Variants in SLC4A11 observed in about 807,000 individuals in gnomAD.
SLC4A11 encodes the protein solute carrier family 4 member 11, also known as bicarbonate transporter related protein 1.
In SLC4A11, 74 loss-of-function variants were observed where a neutral mutation model predicts 95.0. The ratio of observed to expected loss-of-function variants is 0.78; its 90% CI spans 0.65 to 0.95. The LOEUF (loss-of-function observed/expected upper bound fraction) is 0.95, where lower values mean the gene tolerates loss of function less well. SLC4A11 is among the 40% of genes least tolerant of loss of function. SLC4A11 has a pLI of 0.00. For missense variants in SLC4A11, 1,081 were observed against 1,192.4 expected (o/e 0.91, Z 1.38); for synonymous variants, 548 against 519.0 (o/e 1.06, Z -0.76).
Position 3,230,632 on chromosome 20 carries a change from C to A in SLC4A11, c.1298G>T (p.Cys433Phe). 6.2e-7 allele frequency: 1 copy of A among 1,613,668 alleles called. No homozygotes were observed. The highest frequency in any genetic ancestry group is 8.5e-7 in the Non-Finnish European group (1 of 1,179,998). ...ALYIQVIRVICDDYDLDFNSF... is the reference protein window; with the variant it reads ...ALYIQVIRVIFDDYDLDFNSF... Reference sequence around the variant, plus strand: ...GTTGAAGTCCAGGTCATAGTCATCACAGATGACACGAATCACTGCAGGCAG... The same window carrying A: ...GTTGAAGTCCAGGTCATAGTCATCAAAGATGACACGAATCACTGCAGGCAG... Residue 433 changes from cysteine (C) to phenylalanine (F), a missense_variant, in exon 12 of 20, where the codon TGT becomes TTT. This residue lies in a region of SLC4A11 where 767 missense variants were observed against 858.0 expected (regional missense o/e 0.89). Coordinates refer to ENST00000642402, the MANE Select transcript of SLC4A11 (RefSeq NM_001174089.2).
At chr20:3,238,986 C>G in intron 1 of SLC4A11, 109 bp downstream of exon 1, 2 of 1,351,138 alleles carry the variant, frequency 1.5e-6, no homozygotes, top group South Asian at 1.7e-5. Context: ...CCACCGGCCC[C>G]GGCCCGCGCA....
At position 3,238,614 on chromosome 20, in the gene SLC4A11, GC is replaced by G. The variant is rs2068064757; in HGVS notation, c.43+480del. On this transcript the variant is annotated intron_variant, in intron 1 of 19. Coordinates refer to ENST00000642402, the MANE Select transcript of SLC4A11 (RefSeq NM_001174089.2). ...GAGCAAGGGAGAAACCGCTGCGGCC[GC>G]GCAGGGCACGGTCAGGGGTCCCGGG... 8 of 991,622 alleles carry G rather than the reference GC, an allele frequency of 8.1e-6. No homozygotes were observed. In the South Asian group the frequency reaches 3.3e-4, roughly 41 times the overall value. 61.4% of individuals were successfully genotyped at this position (991,622 alleles called of 1,614,324 possible). A position where few individuals can be genotyped will look rare whatever the true frequency, so the allele number is the denominator to read the frequency against.
At position 3,234,925 on chromosome 20, in the gene SLC4A11, C is replaced by T. The variant is rs2067920921; in HGVS notation, c.89-31G>A. 2 of 1,613,498 alleles carry T rather than the reference C, an allele frequency of 1.2e-6. No individual in the cohort carries two copies. Among genetic ancestry groups the T allele is most frequent in the East Asian group, 2.2e-5 (1 of 44,868 alleles). On this transcript the variant is annotated intron_variant, in intron 2 of 19. Coordinates refer to ENST00000642402, the MANE Select transcript of SLC4A11 (RefSeq NM_001174089.2). This position sits in a 1 kb window ranked among gnomAD's most constrained non-coding sequence, Gnocchi z 5.8. Reference sequence around the variant, plus strand: ...GACCCCCAAGAGCAAGAGGGCCTGGCTGTTAAAGTGCCACACACAGGAAGG... The same window carrying T: ...GACCCCCAAGAGCAAGAGGGCCTGGTTGTTAAAGTGCCACACACAGGAAGG...
chr20:3,230,424 G>A (rs766966180), intron 12 of SLC4A11, 91 bp downstream of exon 12: 29 of 1,601,940 alleles, frequency 1.8e-5, no homozygotes, highest in Non-Finnish European at 2.4e-5. Context: ...CAGCAATATG[G>A]TGGGGGCACC....
intron 1 of SLC4A11, chr20:3,238,846 T>C (rs1057241444): frequency 5.0e-6 from 6 of 1,209,280 alleles, no homozygotes; most frequent in Non-Finnish European, 6.2e-6. Flanking sequence ...TGTTCAAACC[T>C]GGTAAGAAAT....
rs558139712 is a variant in SLC4A11 at position 3,237,638 on chromosome 20, C to G, written c.44-50G>C. On this transcript the variant is annotated intron_variant, in intron 1 of 19. Coordinates refer to ENST00000642402, the MANE Select transcript of SLC4A11 (RefSeq NM_001174089.2). ...CAGCCCCATGGACCAAGCCCTGGAC[C>G]TCCTGTGTGCACCTGTCTCCCCGCC... 2.5e-6 allele frequency: 4 copies of G among 1,613,966 alleles called. No homozygotes were observed. The African/African-American group carries it at 5.3e-5, about 22-fold the overall frequency.
chr20:3,231,161 CCAAGGGGT>C lies in SLC4A11; in HGVS notation c.1022_1029del (p.Tyr341Ter). The C allele has an allele frequency of 6.2e-7, 1 of 1,614,154 alleles. No individual in the cohort carries two copies. The highest frequency in any genetic ancestry group is 8.5e-7 in the Non-Finnish European group (1 of 1,180,032). On this transcript the variant is annotated frameshift_variant, in exon 9 of 20. Transcript: ENST00000642402. LOFTEE classifies it high-confidence loss of function. The surrounding 1 kb of genome is among the most constrained non-coding windows in gnomAD (Gnocchi z 5.2). Reference sequence around the variant, plus strand: ...AGAGGCCACGTACCATCAGTGAAGTCCAAGGGGTACAAGGGGAACCTGCGTGCGATGTC... The same window carrying C: ...AGAGGCCACGTACCATCAGTGAAGTCACAAGGGGAACCTGCGTGCGATGTC...
Position 3,227,747 on chromosome 20 carries a change from G to A in SLC4A11, c.*40C>T, listed in dbSNP as rs200122494. The A allele has an allele frequency of 2.8e-5, 45 of 1,603,000 alleles. No homozygotes were observed. The East Asian group carries it at 4.7e-4, about 17-fold the overall frequency. ...AGCTCCAGAGCCAGCCTGGGAGGAC[G>A]TGGAGGGCTGGCGAATGGGGCGTGG... is the stretch of plus-strand genomic sequence containing the variant. On this transcript the variant is annotated 3_prime_UTR_variant, in exon 20 of 20. Transcript: ENST00000642402.
At chr20:3,236,845 C>T (rs112650078) in intron 2 of SLC4A11, among the ~76,000 whole-genome samples, 3 of 152,036 alleles carry the variant, frequency 2.0e-5, no homozygotes, top group Admixed American at 1.3e-4. Context: ...TGCTCAGGTC[C>T]CCTAGATTAA....
At chr20:3,237,769 G>C in intron 1 of SLC4A11, 181 bp from the exon 2 acceptor site, 1 of 1,611,916 alleles carries the variant, frequency 6.2e-7, no homozygotes, top group African/African-American at 1.3e-5. Context: ...CCATAGCAGG[G>C]GAAGCCAGCC....
chr20:3,237,717 T>C, intron 1 of SLC4A11, 129 bp from the exon 2 acceptor site: 1 of 1,613,740 alleles, frequency 6.2e-7, no homozygotes, highest in Non-Finnish European at 8.5e-7. Context: ...CACGCCACCC[T>C]AGGGAGAAAG....
chr20:3,228,438 G>C lies in SLC4A11; in HGVS notation c.2389-10C>G. The C allele has an allele frequency of 6.2e-7, 1 of 1,613,106 alleles. No homozygotes were observed. The highest frequency in any genetic ancestry group is 1.7e-5 in the Admixed American group (1 of 60,028). On this transcript the variant is annotated splice_polypyrimidine_tract_variant and intron_variant, in intron 18 of 19. Transcript: ENST00000642402. ...TCGGGGGGTACGCAGTCTGTGGGCG[G>C]CAGGGACCGGGTGTGGGCAGGCATG... is the stretch of plus-strand genomic sequence containing the variant.
At position 3,229,608 on chromosome 20, in the gene SLC4A11, G is replaced by C; in HGVS notation, c.1658C>G (p.Ser553Ter). 6.2e-7 allele frequency: 1 copy of C among 1,612,922 alleles called. No homozygotes were observed. Among genetic ancestry groups the C allele is most frequent in the Non-Finnish European group, 8.5e-7 (1 of 1,179,942 alleles). ...SPTELPSATH[S>*]GQATAVLSLL... The stretch of plus-strand genomic sequence containing the variant: ...GCTGAGCACGGCGGTCGCCTGGCCT[G>C]AGTGTGTGGCCGAGGGCAGCTCCGT... Residue 553 changes from serine to a stop codon, truncating the protein, a stop_gained, in exon 14 of 20, where the codon TCA (serine) becomes TGA (stop). Transcript: ENST00000642402. LOFTEE classifies it high-confidence loss of function.
chr20:3,238,720 C>T (rs1172693865), intron 1 of SLC4A11: 20 of 1,039,570 alleles, frequency 1.9e-5, no homozygotes, highest in South Asian at 4.6e-5. Context: ...TAAAATGAGA[C>T]CTTCCGAGGC....
At position 3,228,989 on chromosome 20, in the gene SLC4A11, GGTAGGCAGTGCCCTTCA is replaced by G; in HGVS notation, c.2024_2040del (p.Val675AlafsTer50). The G allele has an allele frequency of 6.2e-7, 1 of 1,613,598 alleles. No individual in the cohort carries two copies. Among genetic ancestry groups the G allele is most frequent in the Non-Finnish European group, 8.5e-7 (1 of 1,180,010 alleles). Reference sequence around the variant, plus strand: ...ATGGCGAGGAGCAGGAGGTCCCAGTGGTAGGCAGTGCCCTTCACCAGCCTGCAGCAGACGGGCACTCG... The same window carrying G: ...ATGGCGAGGAGCAGGAGGTCCCAGTGCCAGCCTGCAGCAGACGGGCACTCG... On this transcript the variant is annotated frameshift_variant, in exon 17 of 20. Transcript: ENST00000642402. LOFTEE classifies it high-confidence loss of function.
At chr20:3,235,169 C>T (rs1444965698) in intron 2 of SLC4A11, among the ~76,000 whole-genome samples, 1 of 152,220 alleles carries the variant, frequency 6.6e-6, no homozygotes, top group Admixed American at 6.5e-5. Flanking sequence ...AACATGTCCA[C>T]TCCAGACACA....
chr20:3,238,428 G>C lies in SLC4A11; in HGVS notation c.43+667C>G. Reference sequence around the variant, plus strand: ...GGAGCCGGGGCTGCATCCTGAAGTGGGGGGCGGGGGCGCTGGGGCGCGTCC... The same window carrying C: ...GGAGCCGGGGCTGCATCCTGAAGTGCGGGGCGGGGGCGCTGGGGCGCGTCC... On this transcript the variant is annotated intron_variant, in intron 1 of 19. Transcript: ENST00000642402. The C allele has an allele frequency of 1.9e-6, 2 of 1,040,750 alleles. 1 individual carries two copies. Among genetic ancestry groups the C allele is most frequent in the Non-Finnish European group, 2.3e-6 (2 of 866,260 alleles). The allele number at this position is 1,040,750 out of a possible 1,614,324, so 64.5% of individuals were successfully genotyped here.
Position 3,231,067 on chromosome 20 carries a change from G to A in SLC4A11, c.1043-9C>T, listed in dbSNP as rs1354530568. ...GTTTTTCCCAATAATGCCTAGGAAT[G>A]GGGGATGGGAGAGAGGGTTTGCTGG... On this transcript the variant is annotated splice_polypyrimidine_tract_variant and intron_variant, in intron 9 of 19. Transcript: ENST00000642402. This position sits in a 1 kb window ranked among gnomAD's most constrained non-coding sequence, Gnocchi z 5.2. The A allele has an allele frequency of 1.2e-6, 2 of 1,608,202 alleles. No individual in the cohort carries two copies. The highest frequency in any genetic ancestry group is 1.7e-5 in the Admixed American group (1 of 59,950).
At chr20:3,237,670 C>T (rs779167829) in intron 1 of SLC4A11, 82 bp from the exon 2 acceptor site, 2 of 1,614,096 alleles carry the variant, frequency 1.2e-6, no homozygotes, top group South Asian at 1.1e-5. Context: ...CGCCCCCCGA[C>T]CTGGCTCATT....
Sources: gnomAD v4.1 joint callset for allele counts (sites outside exome capture counted in the v4.1 genomes callset) on GRCh38, gnomAD v4.1.1 for gene constraint, gnomAD v4.1.1 regional missense constraint, Gnocchi (gnomAD v3.1) non-coding constraint, MANE v1.5 for transcripts, NCBI Gene and HGNC (gene_info 2026-07-23, HGNC 2026-07-21) for gene names.